Variants in SYNPO2 observed in about 807,000 individuals in gnomAD.
The protein encoded by SYNPO2 is synaptopodin-2.
SYNPO2 carries 56 observed loss-of-function variants against 85.0 expected under a neutral mutation model. The ratio of observed to expected loss-of-function variants is 0.66; its 90% CI spans 0.53 to 0.82. The LOEUF is 0.82. Among genes scored for constraint, SYNPO2 ranks in the 40% least tolerant of loss-of-function variants. SYNPO2 has a pLI of 0.00. For synonymous variants in SYNPO2, 602 were observed against 591.1 expected (o/e 1.02, Z -0.27); for missense variants, 1,575 against 1,534.2 (o/e 1.03, Z -0.44).
At chr4:118,936,600 G>A (rs1734112458) in intron 1 of SYNPO2, among the ~76,000 whole-genome samples, 1 of 152,162 alleles carries the variant, frequency 6.6e-6, no homozygotes, top group Non-Finnish European at 1.5e-5. Context: ...AGGGTACACA[G>A]CCTGGAGCAT....
At chr4:119,014,464 C>T (rs1030339410) in intron 1 of SYNPO2, among the ~76,000 whole-genome samples, 1 of 152,062 alleles carries the variant, frequency 6.6e-6, no homozygotes, top group African/African-American at 2.4e-5. Flanking sequence ...AATAATACCA[C>T]TATTCTCACT....
intron 1 of SYNPO2, among the ~76,000 whole-genome samples, chr4:118,929,013 T>A (rs1733830368): frequency 6.6e-6 from 1 of 152,054 alleles, no homozygotes; most frequent in Non-Finnish European, 1.5e-5. Context: ...GAAGGAACTG[T>A]GTCTATTTAA....
chr4:118,985,806 C>T (rs1403326639), intron 1 of SYNPO2, among the ~76,000 whole-genome samples: 2 of 152,256 alleles, frequency 1.3e-5, no homozygotes, highest in East Asian at 1.9e-4. Flanking sequence ...ATGTCATCCA[C>T]AGTTGGCTGC....
intron 4 of SYNPO2, among the ~76,000 whole-genome samples, chr4:119,039,525 T>A (rs1738641449): frequency 6.6e-6 from 1 of 152,202 alleles, no homozygotes; most frequent in African/African-American, 2.4e-5. Context: ...AAGCTGTAGT[T>A]TTTATCTCCA....
chr4:118,978,828 C>T (rs980466558), intron 1 of SYNPO2, among the ~76,000 whole-genome samples: 9 of 132,070 alleles, frequency 6.8e-5, no homozygotes, highest in African/African-American at 1.9e-4. Flanking sequence ...CACACACACA[C>T]ACACTTAGCC....
intron 1 of SYNPO2, among the ~76,000 whole-genome samples, chr4:118,909,304 G>A (rs955897834): frequency 1.3e-5 from 2 of 152,156 alleles, no homozygotes; most frequent in Non-Finnish European, 2.9e-5. Flanking sequence ...ATTGAGTTTT[G>A]TCTTGGTAAT....
At chr4:118,876,717 C>CT (rs763295712) in intron 1 of SYNPO2, among the ~76,000 whole-genome samples, 10 of 119,708 alleles carry the variant, frequency 8.4e-5, no homozygotes, top group Non-Finnish European at 1.8e-4. Flanking sequence ...TTCTTTCTTT[C>CT]TTTCTTTCTT....
At chr4:118,987,193 A>G (rs925805117) in intron 1 of SYNPO2, among the ~76,000 whole-genome samples, 10 of 152,246 alleles carry the variant, frequency 6.6e-5, no homozygotes, top group Non-Finnish European at 1.5e-4. Flanking sequence ...AGAATAAAAG[A>G]AGAACTAGTC....
At chr4:119,052,492 G>A (rs1386108835) in intron 4 of SYNPO2, among the ~76,000 whole-genome samples, 1 of 152,152 alleles carries the variant, frequency 6.6e-6, no homozygotes, top group Non-Finnish European at 1.5e-5. Context: ...AAGAGTAAGA[G>A]GCCAGAACAT....
At chr4:119,010,773 C>G (rs1448877955) in intron 1 of SYNPO2, among the ~76,000 whole-genome samples, 3 of 152,230 alleles carry the variant, frequency 2.0e-5, no homozygotes, top group African/African-American at 7.2e-5. Context: ...GCCCATAACA[C>G]TGTTTGTCAC....
At chr4:118,933,060 A>G (rs887588591) in intron 1 of SYNPO2, among the ~76,000 whole-genome samples, 2 of 152,248 alleles carry the variant, frequency 1.3e-5, no homozygotes, top group Admixed American at 1.3e-4. Flanking sequence ...AGGAAAGACA[A>G]GTGAAAATAT....
In SYNPO2 at chr4:118,982,068, G is replaced by A. The variant is rs539989819; in HGVS notation, c.106-41362G>A. On this transcript the variant is annotated intron_variant, in intron 1 of 4. Transcript: ENST00000307142. ...GTCACAGGCACATCACTGTAGTTCA[G>A]GGAATAAAACCACAAAAAATGAGAA... 1.9e-3 allele frequency among the ~76,000 whole-genome samples: 286 copies of A among 152,190 alleles called. 1 individual carries two copies. Among genetic ancestry groups the A allele is most frequent in the African/African-American group, 6.5e-3 (270 of 41,538 alleles).
Position 119,029,881 on chromosome 4 carries a change from T to C in SYNPO2, c.1106T>C (p.Val369Ala). Residue 369 changes from valine (V) to alanine (A), a missense_variant, in exon 4 of 5, where the codon GTG becomes GCG. Coordinates refer to ENST00000307142, the MANE Select transcript of SYNPO2 (RefSeq NM_133477.3). ...RRSESLSEKQ[V>A]KEAKSKCKSI... ...AGTGAAAGCCTGTCAGAAAAACAAG[T>C]GAAGGAAGCAAAATCTAAATGCAAA... 3.1e-6 allele frequency: 5 copies of C among 1,600,514 alleles called. No homozygotes were observed. The highest frequency in any genetic ancestry group is 4.3e-6 in the Non-Finnish European group (5 of 1,171,216).
intron 1 of SYNPO2, among the ~76,000 whole-genome samples, chr4:118,883,028 T>C (rs1732135621): frequency 6.6e-6 from 1 of 151,434 alleles, no homozygotes. Flanking sequence ...CCCAAAGTGC[T>C]GGGATCACAG....
At chr4:118,860,356 A>G (rs1015457240) in intron 1 of SYNPO2, among the ~76,000 whole-genome samples, 4 of 151,308 alleles carry the variant, frequency 2.6e-5, no homozygotes, top group Admixed American at 6.6e-5. Context: ...TGAGCCTCCC[A>G]CCTCAGCCTC....
chr4:118,861,699 A>G (rs1020211426), intron 1 of SYNPO2, among the ~76,000 whole-genome samples: 20 of 152,060 alleles, frequency 1.3e-4, no homozygotes, highest in Non-Finnish European at 2.9e-4. Context: ...CTACTGGTGT[A>G]TGTGTCTATT....
At chr4:118,976,361 G>A (rs550294865) in intron 1 of SYNPO2, among the ~76,000 whole-genome samples, 29 of 152,260 alleles carry the variant, frequency 1.9e-4, no homozygotes, top group African/African-American at 6.0e-4. Flanking sequence ...AGATCTTCGC[G>A]GTGAGTGTTA....
Position 118,916,729 on chromosome 4 carries a change from C to CTTTT in SYNPO2, c.105+27603_105+27606dup, listed in dbSNP as rs199715189. Among the ~76,000 whole-genome samples, 226 of 116,994 alleles carry CTTTT rather than the reference C, an allele frequency of 1.9e-3. 3 individuals carry two copies. The highest frequency in any genetic ancestry group is 5.7e-3 in the Middle Eastern group (1 of 176). 76.8% of individuals were successfully genotyped at this position (116,994 alleles called of 152,430 possible). A position where few individuals can be genotyped will look rare whatever the true frequency, so the allele number is the denominator to read the frequency against. The stretch of plus-strand genomic sequence containing the variant: ...TCCTCTTCCTCTTTTATTTTTCTTT[C>CTTTT]TTTTTTTTTTTTTTTTTTCTAGAAA... On this transcript the variant is annotated intron_variant, in intron 1 of 4. Coordinates refer to ENST00000307142, the MANE Select transcript of SYNPO2 (RefSeq NM_133477.3).
rs1736921113 is a variant in SYNPO2, at chr4:119,004,086, C to A, written c.106-19344C>A. On this transcript the variant is annotated intron_variant, in intron 1 of 4. Coordinates refer to ENST00000307142, the MANE Select transcript of SYNPO2 (RefSeq NM_133477.3). ...AACAACATTCCTGTTTTCGGCCCTA[C>A]ATTCACCTTTACTGTTCCACAAATT... Among the ~76,000 whole-genome samples, 3 of 152,184 alleles carry A rather than the reference C, an allele frequency of 2.0e-5. No individual in the cohort carries two copies. In the South Asian group the frequency reaches 6.2e-4, roughly 32 times the overall value.
Sources: allele counts gnomAD v4.1 joint callset (sites outside exome capture counted in the v4.1 genomes callset), GRCh38; gene constraint gnomAD v4.1.1; transcripts MANE v1.5; gene names NCBI Gene and HGNC (gene_info 2026-07-23, HGNC 2026-07-21).